Variants in MAGI1 observed in about 807,000 individuals in gnomAD.
The protein encoded by MAGI1 is membrane associated guanylate kinase, WW and PDZ domain containing 1, also known as membrane-associated guanylate kinase, WW and PDZ domain-containing protein 1.
MAGI1 carries 58 observed loss-of-function variants against 139.9 expected under a neutral mutation model. The observed-to-expected ratio is 0.41, with a 90% confidence interval of 0.34 to 0.52. The LOEUF (loss-of-function observed/expected upper bound fraction) is 0.52. Among genes scored for constraint, MAGI1 ranks in the 20% least tolerant of loss-of-function variants. The probability of loss-of-function intolerance (pLI) is 0.12; values close to 1 mark genes in which losing one functional copy is unlikely to be tolerated. For missense variants in MAGI1, 1,874 were observed against 1,901.6 expected (o/e 0.99, Z 0.27); for synonymous variants, 812 against 737.9 (o/e 1.10, Z -1.63).
At chr3:65,926,327 T>TTCTCTCTCTCC (rs1553731215) in intron 1 of MAGI1, among the ~76,000 whole-genome samples, 4 of 115,592 alleles carry the variant, frequency 3.5e-5, no homozygotes, top group African/African-American at 6.9e-5. Context: ...AAGTCTTCTT[T>TTCTCTCTCTCC]TCTCTCTCTC....
At chr3:65,454,323 C>A (rs1034443510) in intron 5 of MAGI1, among the ~76,000 whole-genome samples, 2 of 148,922 alleles carry the variant, frequency 1.3e-5, no homozygotes, top group South Asian at 2.1e-4. Context: ...TAGGTGGGAA[C>A]TGAACAATGA....
chr3:65,663,302 T>A (rs574080065), intron 1 of MAGI1, among the ~76,000 whole-genome samples: 2 of 152,178 alleles, frequency 1.3e-5, no homozygotes, highest in African/African-American at 4.8e-5. Flanking sequence ...ATCACAGCAT[T>A]GGTCAATTGC....
At chr3:65,624,317 G>A (rs1250653346) in intron 1 of MAGI1, among the ~76,000 whole-genome samples, 2 of 150,624 alleles carry the variant, frequency 1.3e-5, no homozygotes, top group African/African-American at 4.8e-5. Flanking sequence ...AAATCTCGTA[G>A]ATGAATCTTC....
rs115075592 is a variant in MAGI1 at position 65,492,409 on chromosome 3, A to G, written c.550+1103T>C. Among the ~76,000 whole-genome samples, 742 of 152,392 alleles carry G rather than the reference A, an allele frequency of 4.9e-3. 5 individuals are homozygous for G. Among genetic ancestry groups the G allele is most frequent in the African/African-American group, 0.016 (684 of 41,604 alleles). On this transcript the variant is annotated intron_variant, in intron 3 of 22. Coordinates refer to ENST00000402939, the MANE Select transcript of MAGI1 (RefSeq NM_001033057.2). ...CGACTCAGCAGTGTTTAGAAATATG[A>G]AACATTGAAACTGACTCAAATATTT...
chr3:65,576,330 A>G (rs1228753953), intron 2 of MAGI1, among the ~76,000 whole-genome samples: 2 of 152,174 alleles, frequency 1.3e-5, no homozygotes. Flanking sequence ...AGTGACACCA[A>G]TATCATGACA....
At chr3:65,514,439 A>C (rs2077756661) in intron 2 of MAGI1, among the ~76,000 whole-genome samples, 1 of 143,308 alleles carries the variant, frequency 7.0e-6, no homozygotes. Flanking sequence ...CAGAATCTAC[A>C]ATGAACTCAA....
intron 1 of MAGI1, among the ~76,000 whole-genome samples, chr3:66,032,037 G>A (rs1040654505): frequency 1.3e-5 from 2 of 152,186 alleles, no homozygotes; most frequent in African/African-American, 4.8e-5. Context: ...CAGAAAGCCT[G>A]CTAATTGGAA....
In MAGI1 at chr3:65,356,334, T is replaced by G; in HGVS notation, c.*44A>C. 6.6e-7 allele frequency: 1 copy of G among 1,510,988 alleles called. No individual in the cohort carries two copies. The highest frequency in any genetic ancestry group is 8.8e-7 in the Non-Finnish European group (1 of 1,138,222). The allele number at this position is 1,510,988 out of a possible 1,614,324, so 93.6% of individuals were successfully genotyped here. On this transcript the variant is annotated 3_prime_UTR_variant, in exon 23 of 23. Coordinates refer to ENST00000402939, the MANE Select transcript of MAGI1 (RefSeq NM_001033057.2). The stretch of plus-strand genomic sequence containing the variant: ...TAATTTCAGGTTTGTGACTTTCCTC[T>G]TAGAACCTTTGACACGGTAAAGGTT...
chr3:65,621,522 C>A (rs1363559529), intron 2 of MAGI1, among the ~76,000 whole-genome samples: 1 of 152,184 alleles, frequency 6.6e-6, no homozygotes, highest in Admixed American at 6.5e-5. Flanking sequence ...GAAGACAGAG[C>A]CCACTGGGGT....
At chr3:65,529,208 T>A (rs1524974) in intron 2 of MAGI1, among the ~76,000 whole-genome samples, 1 of 151,944 alleles carries the variant, frequency 6.6e-6, no homozygotes, top group Non-Finnish European at 1.5e-5. Flanking sequence ...CACATTTTGG[T>A]AAAATACACT....
intron 1 of MAGI1, among the ~76,000 whole-genome samples, chr3:65,811,927 CGTGTGT>C (rs71102883): frequency 0.011 from 1,577 of 148,172 alleles, 20 homozygotes; most frequent in African/African-American, 0.034. Flanking sequence ...TGTATGTTTA[CGTGTGT>C]GTGTGTGTGT....
intron 1 of MAGI1, among the ~76,000 whole-genome samples, chr3:65,900,538 C>A (rs1268954555): frequency 6.6e-6 from 1 of 152,078 alleles, no homozygotes; most frequent in Non-Finnish European, 1.5e-5. Flanking sequence ...TCTGTCTGTC[C>A]AACACCACAC....
chr3:65,545,405 T>C (rs2079447555), intron 2 of MAGI1, among the ~76,000 whole-genome samples: 1 of 152,200 alleles, frequency 6.6e-6, no homozygotes, highest in African/African-American at 2.4e-5. Flanking sequence ...CCTGAGGACT[T>C]CTTCCTGTAT....
intron 6 of MAGI1, among the ~76,000 whole-genome samples, chr3:65,450,893 T>C (rs1339946191): frequency 2.0e-5 from 3 of 152,186 alleles, no homozygotes; most frequent in African/African-American, 7.2e-5. Context: ...CTTTGTGTTA[T>C]AAATAATAAC....
At chr3:65,926,939 G>A (rs1418788432) in intron 1 of MAGI1, among the ~76,000 whole-genome samples, 1 of 152,180 alleles carries the variant, frequency 6.6e-6, no homozygotes, top group Non-Finnish European at 1.5e-5. Context: ...AGTTTGCAGT[G>A]AGCCGAGATT....
intron 1 of MAGI1, among the ~76,000 whole-genome samples, chr3:65,689,310 T>C (rs2088361239): frequency 1.3e-5 from 2 of 152,234 alleles, no homozygotes; most frequent in Non-Finnish European, 2.9e-5. Context: ...TTTCCCAGGA[T>C]ACAATAAAAC....
rs942143439 is a variant in MAGI1 at position 65,932,981 on chromosome 3, A to C, written c.313+105015T>G. ...TTTCAAAGTTTAAATCTTGATATGA[A>C]AGAGAATACCATCTGCCTCTAGGCA... On this transcript the variant is annotated intron_variant, in intron 1 of 22. Transcript: ENST00000402939. Among the ~76,000 whole-genome samples the C allele has an allele frequency of 1.6e-4, 24 of 152,250 alleles. 1 individual carries two copies. Among genetic ancestry groups the C allele is most frequent in the African/African-American group, 5.8e-4 (24 of 41,466 alleles).
rs542158195 is a variant in MAGI1 at position 65,429,133 on chromosome 3, A to T, written c.2167+387T>A. 3.3e-3 allele frequency among the ~76,000 whole-genome samples: 501 copies of T among 152,046 alleles called. 3 individuals are homozygous for T. The highest frequency in any genetic ancestry group is 0.011 in the African/African-American group (458 of 41,504). ...GGTTATTATTTTTTATATATATATA[A>T]AAAAACTTTTTAGAGAATGGGGTCT... is the stretch of plus-strand genomic sequence containing the variant. On this transcript the variant is annotated intron_variant, in intron 12 of 22. Coordinates refer to ENST00000402939, the MANE Select transcript of MAGI1 (RefSeq NM_001033057.2).
intron 10 of MAGI1, among the ~76,000 whole-genome samples, chr3:65,433,143 C>T (rs898110805): frequency 2.0e-5 from 3 of 152,094 alleles, no homozygotes; most frequent in Non-Finnish European, 4.4e-5. Context: ...TTGTCTGGTA[C>T]ATTTTATGTG....
Sources: allele counts gnomAD v4.1 joint callset (sites outside exome capture counted in the v4.1 genomes callset), GRCh38; gene constraint gnomAD v4.1.1; transcripts MANE v1.5; gene names NCBI Gene and HGNC (gene_info 2026-07-23, HGNC 2026-07-21).